Variants in PLCB1 observed in about 807,000 individuals in gnomAD.
The protein encoded by PLCB1 is 1-phosphatidylinositol 4,5-bisphosphate phosphodiesterase beta-1.
A neutral mutation model predicts 161.8 loss-of-function variants in PLCB1; 46 were observed. The ratio of observed to expected loss-of-function variants is 0.28; its 90% CI spans 0.22 to 0.36. The LOEUF (loss-of-function observed/expected upper bound fraction) is 0.36, where lower values mean the gene tolerates loss of function less well. Among genes scored for constraint, PLCB1 ranks in the 10% least tolerant of loss-of-function variants. PLCB1 has a pLI of 1.00. For missense variants in PLCB1, 1,016 were observed against 1,472.5 expected, an observed-to-expected ratio of 0.69 and a Z score of 5.07; for synonymous variants, 517 against 503.7, an observed-to-expected ratio of 1.03 and a Z score of -0.35.
chr20:8,160,460 A>G (rs1436914209), intron 2 of PLCB1, among the ~76,000 whole-genome samples: 1 of 152,238 alleles, frequency 6.6e-6, no homozygotes, highest in African/African-American at 2.4e-5. Context: ...AAAGAGGTAT[A>G]ATAGGATTAC....
At chr20:8,455,328 CAA>C (rs1237714702) in intron 3 of PLCB1, among the ~76,000 whole-genome samples, 23 of 98,190 alleles carry the variant, frequency 2.3e-4, no homozygotes, top group African/African-American at 6.1e-4. Flanking sequence ...AACTCCATCA[CAA>C]AAAAAAAAAA....
At chr20:8,661,144 T>C (rs1301930521) in intron 9 of PLCB1, among the ~76,000 whole-genome samples, 1 of 152,164 alleles carries the variant, frequency 6.6e-6, no homozygotes, top group Non-Finnish European at 1.5e-5. Context: ...TTGTCCATTT[T>C]TTCTAGGAGA....
intron 2 of PLCB1, among the ~76,000 whole-genome samples, chr20:8,177,451 T>C (rs1600217642): frequency 6.6e-6 from 1 of 152,096 alleles, no homozygotes; most frequent in Admixed American, 6.6e-5. Context: ...AAGACGATGA[T>C]GTTAATTCAA....
intron 2 of PLCB1, among the ~76,000 whole-genome samples, chr20:8,338,956 C>T (rs1012792906): frequency 6.6e-6 from 1 of 152,118 alleles, no homozygotes; most frequent in African/African-American, 2.4e-5. Flanking sequence ...TTTTGAGATT[C>T]ATCCGTGTTG....
chr20:8,798,184 A>C (rs1984118238), intron 31 of PLCB1, among the ~76,000 whole-genome samples: 1 of 148,442 alleles, frequency 6.7e-6, no homozygotes, highest in Non-Finnish European at 1.5e-5. Context: ...GTGACAGCGC[A>C]AGACTCTATA....
chr20:8,571,686 A>G (rs1986523934), intron 3 of PLCB1, among the ~76,000 whole-genome samples: 1 of 152,176 alleles, frequency 6.6e-6, no homozygotes, highest in Admixed American at 6.6e-5. Context: ...CTACTGATGG[A>G]GAAAGTCATG....
intron 9 of PLCB1, among the ~76,000 whole-genome samples, chr20:8,674,966 T>C (rs924203303): frequency 2.0e-5 from 3 of 152,202 alleles, no homozygotes; most frequent in African/African-American, 7.2e-5. Context: ...AATTTAGTTC[T>C]AGAAGTCTCC....
intron 1 of PLCB1, among the ~76,000 whole-genome samples, chr20:8,137,926 A>G (rs2051365185): frequency 6.6e-6 from 1 of 152,240 alleles, no homozygotes; most frequent in Non-Finnish European, 1.5e-5. Context: ...AACAACAGCA[A>G]CAAAAGTGAC....
At chr20:8,159,956 C>T (rs2051604269) in intron 2 of PLCB1, among the ~76,000 whole-genome samples, 1 of 146,640 alleles carries the variant, frequency 6.8e-6, no homozygotes, top group African/African-American at 2.6e-5. Context: ...CCATTGTACT[C>T]CAGCCTGGGC....
intron 31 of PLCB1, among the ~76,000 whole-genome samples, chr20:8,823,036 A>G (rs1248043821): frequency 1.3e-5 from 2 of 152,152 alleles, no homozygotes; most frequent in Non-Finnish European, 2.9e-5. Context: ...CTAAATTTAC[A>G]TTGAGTTAGG....
chr20:8,196,235 T>C (rs1016105953), intron 2 of PLCB1, among the ~76,000 whole-genome samples: 19 of 152,168 alleles, frequency 1.2e-4, no homozygotes, highest in African/African-American at 4.6e-4. Context: ...ACAGAAGTGA[T>C]GCTGTGCCTT....
chr20:8,349,105 A>G (rs567727614), intron 2 of PLCB1, among the ~76,000 whole-genome samples: 4 of 152,256 alleles, frequency 2.6e-5, no homozygotes, highest in Admixed American at 2.6e-4. Context: ...ATAACAAAAC[A>G]ATATTAAAAA....
At chr20:8,649,501 A>T (rs1159861730) in intron 7 of PLCB1, 52 bp downstream of exon 7, 4 of 1,275,024 alleles carry the variant, frequency 3.1e-6, no homozygotes, top group Non-Finnish European at 4.6e-6. Context: ...TCCAAAACTC[A>T]TGTTGAAACT....
At chr20:8,505,141 A>G (rs73896902) in intron 3 of PLCB1, among the ~76,000 whole-genome samples, 3,291 of 152,268 alleles carry the variant, frequency 0.022, 125 homozygotes, top group African/African-American at 0.076. Flanking sequence ...CTGGGATTAC[A>G]TGTGTGAGCC....
intron 3 of PLCB1, among the ~76,000 whole-genome samples, chr20:8,549,105 G>C (rs1339462546): frequency 6.6e-6 from 1 of 152,096 alleles, no homozygotes; most frequent in East Asian, 1.9e-4. Context: ...CATGGCACAT[G>C]TATACCTATG....
chr20:8,457,374 T>A (rs1469332341), intron 3 of PLCB1, among the ~76,000 whole-genome samples: 1 of 152,126 alleles, frequency 6.6e-6, no homozygotes, highest in East Asian at 1.9e-4. Context: ...TCATTGCTTG[T>A]CTTCACCCAG....
At chr20:8,717,883 G>A (rs747320720) in intron 14 of PLCB1, 35 bp downstream of exon 14, 4 of 1,581,336 alleles carry the variant, frequency 2.5e-6, no homozygotes, top group South Asian at 1.2e-5. Context: ...GTCATGTTTT[G>A]TGTTGGTTTA....
At chr20:8,722,235 T>G in intron 14 of PLCB1, 119 bp from the exon 15 acceptor site, 1 of 677,442 alleles carries the variant, frequency 1.5e-6, no homozygotes, top group Non-Finnish European at 2.4e-6. Context: ...AAAAATAATT[T>G]TAAACAGCCC....
intron 2 of PLCB1, among the ~76,000 whole-genome samples, chr20:8,260,944 C>A (rs1981657498): frequency 6.6e-6 from 1 of 152,116 alleles, no homozygotes; most frequent in Admixed American, 6.6e-5. Flanking sequence ...CTGGAGACTG[C>A]CCATGGTCAG....
Sources: allele counts gnomAD v4.1 joint callset (sites outside exome capture counted in the v4.1 genomes callset), GRCh38; gene constraint gnomAD v4.1.1; transcripts MANE v1.5; gene names NCBI Gene and HGNC (gene_info 2026-07-23, HGNC 2026-07-21).